Variants in ATAD2B observed in about 807,000 individuals in gnomAD.
ATAD2B encodes the protein ATPase family AAA domain-containing protein 2B.
ATAD2B carries 40 observed loss-of-function variants against 167.6 expected under a neutral mutation model. The observed-to-expected ratio is 0.24, with a 90% CI of 0.19 to 0.31. The LOEUF is 0.31. Ranked by LOEUF, ATAD2B falls within the 10% of genes least tolerant of loss-of-function variation. The probability of loss-of-function intolerance (pLI) is 1.00; values close to 1 mark genes in which losing one functional copy is unlikely to be tolerated. For synonymous variants in ATAD2B, 579 were observed against 596.5 expected, an observed-to-expected ratio of 0.97 and a Z score of 0.43; for missense variants, 1,242 against 1,757.2, an observed-to-expected ratio of 0.71 and a Z score of 5.24.
At chr2:23,876,006 G>A in intron 7 of ATAD2B, 102 bp from the exon 8 acceptor site, 1 of 895,736 alleles carries the variant, frequency 1.1e-6, no homozygotes, top group Non-Finnish European at 1.7e-6. Context: ...TGTTGTTGTT[G>A]TTTTTTGAGA....
At chr2:23,921,205 CA>C (rs61004964) in intron 1 of ATAD2B, among the ~76,000 whole-genome samples, 9 of 32,288 alleles carry the variant, frequency 2.8e-4, no homozygotes, top group Admixed American at 1.1e-3. Flanking sequence ...GACTCCATCT[CA>C]AAAAAAAAAA....
rs951423870 is a variant in ATAD2B at position 23,751,297 on chromosome 2, C to A, written c.*749G>T. On this transcript the variant is annotated 3_prime_UTR_variant, in exon 28 of 28. Coordinates refer to ENST00000238789, the MANE Select transcript of ATAD2B (RefSeq NM_017552.4). ...CCATTTTAGTATATTATGTGGCTTA[C>A]TGGGTGTCTTGATTGAGCTTTGAGA... 6.6e-6 allele frequency: 1 copy of A among 152,020 alleles called. No individual in the cohort carries two copies. The highest frequency in any genetic ancestry group is 2.4e-5 in the African/African-American group (1 of 41,396). 9.4% of individuals were successfully genotyped at this position (152,020 alleles called of 1,614,324 possible). A position where few individuals can be genotyped will look rare whatever the true frequency, so the allele number is the denominator to read the frequency against.
At chr2:23,767,167 C>T (rs779339313) in intron 22 of ATAD2B, among the ~76,000 whole-genome samples, 12 of 152,136 alleles carry the variant, frequency 7.9e-5, no homozygotes, top group Non-Finnish European at 1.8e-4. Flanking sequence ...TTACCTGCTC[C>T]ACCCTGACTC....
chr2:23,704,132 C>G, the ATAD2B span, among the ~76,000 whole-genome samples: 1 of 152,226 alleles, frequency 6.6e-6, no homozygotes, highest in Non-Finnish European at 1.5e-5. Flanking sequence ...CAAGGCTACC[C>G]TGCTCTCAGT....
At chr2:23,854,415 T>C (rs900898190) in intron 13 of ATAD2B, among the ~76,000 whole-genome samples, 11 of 152,068 alleles carry the variant, frequency 7.2e-5, no homozygotes, top group African/African-American at 2.7e-4. Flanking sequence ...CAGTGGCTCA[T>C]GCCTGTAAGC....
At chr2:23,870,915 A>C (rs1329144015) in intron 8 of ATAD2B, among the ~76,000 whole-genome samples, 1 of 152,152 alleles carries the variant, frequency 6.6e-6, no homozygotes. Flanking sequence ...AGGAAAAATA[A>C]TACTTAATGA....
chr2:23,790,994 C>T (rs896566250), intron 19 of ATAD2B, among the ~76,000 whole-genome samples: 1 of 152,198 alleles, frequency 6.6e-6, no homozygotes, highest in Non-Finnish European at 1.5e-5. Flanking sequence ...GCCTAACAAC[C>T]ACTGATAATG....
chr2:23,691,430 CT>C, the ATAD2B span: 4 of 570,484 alleles, frequency 7.0e-6, no homozygotes, highest in East Asian at 3.0e-5. Context: ...TGATTTGCAT[CT>C]TTTTTTGCAT....
At chr2:23,703,645 G>T in the ATAD2B span, 2 of 1,450,970 alleles carry the variant, frequency 1.4e-6, no homozygotes, top group Admixed American at 2.4e-5. Context: ...TCCCTGGAGG[G>T]TCTTCTGGGA....
rs532600929 is a variant in ATAD2B, at chr2:23,875,785, C to G, written c.977+44G>C. The G allele has an allele frequency of 3.1e-6, 4 of 1,280,698 alleles. No homozygotes were observed. The Admixed American group carries it at 7.6e-5, about 24-fold the overall frequency. The allele number at this position is 1,280,698 out of a possible 1,614,324, so 79.3% of individuals were successfully genotyped here. ...AAAGAAAGAAAGACACAATTAGTCT[C>G]TCATTGACAAATGCAAATGTTTCCT... On this transcript the variant is annotated intron_variant, in intron 8 of 27. Transcript: ENST00000238789.
chr2:23,770,695 G>A (rs1678196002), intron 22 of ATAD2B, among the ~76,000 whole-genome samples: 1 of 152,092 alleles, frequency 6.6e-6, no homozygotes, highest in African/African-American at 2.4e-5. Flanking sequence ...CTATTCCATT[G>A]ACCTATTTGT....
At chr2:23,830,839 C>A (rs954696839) in intron 14 of ATAD2B, among the ~76,000 whole-genome samples, 1 of 151,860 alleles carries the variant, frequency 6.6e-6, no homozygotes. Context: ...TTACAAGACC[C>A]TTAAAAAATA....
intron 13 of ATAD2B, among the ~76,000 whole-genome samples, chr2:23,848,297 G>A (rs895974182): frequency 1.3e-5 from 2 of 151,896 alleles, no homozygotes; most frequent in African/African-American, 4.8e-5. Context: ...GCAGTCAGGA[G>A]CTCGAGACCG....
At chr2:23,708,749 T>C in the ATAD2B span, 1 of 152,190 alleles carries the variant, frequency 6.6e-6, no homozygotes, top group African/African-American at 2.4e-5. Context: ...GGACTCCATA[T>C]TGAGGGAAGG....
intron 23 of ATAD2B, among the ~76,000 whole-genome samples, chr2:23,764,121 G>A (rs760152272): frequency 5.9e-5 from 9 of 152,158 alleles, no homozygotes; most frequent in Non-Finnish European, 1.2e-4. Context: ...ATTCCTAAGA[G>A]TAGAATCACT....
At chr2:23,914,840 CAAAAAAAAA>C (rs375215142) in intron 1 of ATAD2B, among the ~76,000 whole-genome samples, 1 of 82,722 alleles carries the variant, frequency 1.2e-5, no homozygotes, top group African/African-American at 5.0e-5. Flanking sequence ...GACTCCGTCT[CAAAAAAAAA>C]AAAAAAAGAA....
At position 23,803,179 on chromosome 2, in the gene ATAD2B, C is replaced by T. The variant is rs111282826; in HGVS notation, c.2455-4856G>A. 7.8e-4 allele frequency among the ~76,000 whole-genome samples: 118 copies of T among 152,020 alleles called. 2 individuals carry two copies. Among genetic ancestry groups the T allele is most frequent in the Non-Finnish European group, 1.6e-4 (11 of 68,012 alleles). On this transcript the variant is annotated intron_variant, in intron 18 of 27. Transcript: ENST00000238789. ...AAAGGTCTTTTACTACCGATATTAA[C>T]ATCTCCTGCCTTGTTGTAGGACTCA...
intron 1 of ATAD2B, among the ~76,000 whole-genome samples, chr2:23,899,486 G>GGTGGAATAT (rs1700541773): frequency 6.6e-6 from 1 of 152,144 alleles, no homozygotes; most frequent in African/African-American, 2.4e-5. Context: ...ACTATATTCA[G>GGTGGAATAT]CACAGGGTGG....
At chr2:23,858,112 T>TTTTA (rs201688452) in intron 12 of ATAD2B, among the ~76,000 whole-genome samples, 11,802 of 150,518 alleles carry the variant, frequency 0.078, 586 homozygotes, top group South Asian at 0.11. Context: ...TTGTTTTAGG[T>TTTTA]TTTATTTATT....
Sources: allele counts gnomAD v4.1 joint callset (sites outside exome capture counted in the v4.1 genomes callset), GRCh38; gene constraint gnomAD v4.1.1; transcripts MANE v1.5; gene names NCBI Gene and HGNC (gene_info 2026-07-23, HGNC 2026-07-21).